KNDC1: variants seen among roughly 807,000 people sequenced by gnomAD.
KNDC1 encodes the protein kinase non-catalytic C-lobe domain-containing protein 1.
Under a neutral mutation model 172.8 loss-of-function variants are expected in KNDC1, and 106 were observed. That is an observed-to-expected ratio of 0.61 (90% CI 0.52 to 0.72). The LOEUF (loss-of-function observed/expected upper bound fraction) is 0.72, where lower values mean the gene tolerates loss of function less well. Among genes scored for constraint, KNDC1 ranks in the 30% least tolerant of loss-of-function variants. The pLI is 0.00. For synonymous variants in KNDC1, 1,083 were observed against 1,062.2 expected (o/e 1.02, Z -0.38); for missense variants, 2,325 against 2,394.5 (o/e 0.97, Z 0.61).
chr10:133,196,926 G>A (rs1464893481), intron 10 of KNDC1, 132 bp from the exon 11 acceptor site: 2 of 675,922 alleles, frequency 3.0e-6, no homozygotes, highest in East Asian at 2.7e-5. Context: ...GCCTGTAGTT[G>A]GGTGTCGGTG....
chr10:133,199,013 G>A lies in KNDC1; in HGVS notation c.2505G>A (p.Lys835=). Residue 835 remains lysine, a synonymous_variant, in exon 14 of 30, where the codon AAG becomes AAA. Transcript: ENST00000304613. The part of the protein sequence containing the change: ...PRHPPKPPRS[K]ATERPGQEPE... ...ACCCGCCCAAGCCCCCACGAAGCAA[G>A]GCCACCGAGCGCCCGGGCCAGGAGC... 4 of 1,565,456 alleles carry A rather than the reference G, an allele frequency of 2.6e-6. No individual in the cohort carries two copies. Among genetic ancestry groups the A allele is most frequent in the South Asian group, 1.2e-5 (1 of 86,070 alleles).
intron 20 of KNDC1, among the ~76,000 whole-genome samples, chr10:133,208,610 G>A (rs1309954372): frequency 6.6e-6 from 1 of 152,108 alleles, no homozygotes; most frequent in Non-Finnish European, 1.5e-5. Context: ...CTCCCAAGGT[G>A]AGCTGCCCCT....
intron 1 of KNDC1, among the ~76,000 whole-genome samples, chr10:133,164,887 C>A (rs895466497): frequency 2.6e-5 from 4 of 152,308 alleles, no homozygotes; most frequent in Admixed American, 2.6e-4. Flanking sequence ...CCAGTCCTCT[C>A]GTCCTGTCCT....
Position 133,210,871 on chromosome 10 carries a change from C to T in KNDC1, c.3908+147C>T, listed in dbSNP as rs112311961. 717 of 726,548 alleles carry T rather than the reference C, an allele frequency of 9.9e-4. 3 individuals carry two copies. The highest frequency in any genetic ancestry group is 9.5e-3 in the African/African-American group (550 of 57,952). The allele number at this position is 726,548 out of a possible 1,614,324, so 45.0% of individuals were successfully genotyped here. The stretch of plus-strand genomic sequence containing the variant: ...GGCCAGGGAAGCCTGGCTGGAGGTC[C>T]GGCTGGAGGTGGAGGACACACAGGG... On this transcript the variant is annotated intron_variant, in intron 21 of 29. Transcript: ENST00000304613.
chr10:133,176,553 A>G (rs1264954896), intron 3 of KNDC1, among the ~76,000 whole-genome samples: 2 of 152,134 alleles, frequency 1.3e-5, no homozygotes, highest in Admixed American at 1.3e-4. Flanking sequence ...CCGGGTTTTC[A>G]AACCTCTGGT....
intron 26 of KNDC1, among the ~76,000 whole-genome samples, chr10:133,216,976 G>A (rs558119565): frequency 4.6e-5 from 7 of 152,382 alleles, no homozygotes; most frequent in South Asian, 2.1e-4. Context: ...GCCTGGAGGC[G>A]CAAGATTCAC....
rs1288388637 is a variant in KNDC1, at chr10:133,200,381, CGAG to C, written c.2915_2917del (p.Glu972del). The C allele has an allele frequency of 6.3e-7, 1 of 1,591,102 alleles. No individual in the cohort carries two copies. ...CCTGCATTCTCGTCGTCAGCACGGC[CGAG>C]GAGGCTGGGTCACAGCTCGAGGGCA... On this transcript the variant is annotated inframe_deletion, in exon 16 of 30. Coordinates refer to ENST00000304613, the MANE Select transcript of KNDC1 (RefSeq NM_152643.8).
chr10:133,165,835 A>G (rs1157069603), intron 1 of KNDC1, among the ~76,000 whole-genome samples: 3 of 152,162 alleles, frequency 2.0e-5, no homozygotes, highest in African/African-American at 7.2e-5. Flanking sequence ...GCCCAAATCA[A>G]ACACCTTTGA....
intron 17 of KNDC1, among the ~76,000 whole-genome samples, chr10:133,204,261 A>G (rs1393623870): frequency 6.6e-6 from 1 of 152,140 alleles, no homozygotes; most frequent in Non-Finnish European, 1.5e-5. Flanking sequence ...TGATGATGGA[A>G]TGTTCTAGAC....
At chr10:133,180,886 G>A (rs1399733663) in intron 3 of KNDC1, among the ~76,000 whole-genome samples, 2 of 152,230 alleles carry the variant, frequency 1.3e-5, no homozygotes, top group African/African-American at 2.4e-5. Context: ...AAATTAACTC[G>A]ACGAGTGAGT....
At position 133,200,476 on chromosome 10, in the gene KNDC1, GC is replaced by G. The variant is rs1854331650; in HGVS notation, c.2989+20del. The G allele has an allele frequency of 2.6e-6, 4 of 1,514,582 alleles. No individual in the cohort carries two copies. The highest frequency in any genetic ancestry group is 3.5e-6 in the Non-Finnish European group (4 of 1,132,670). 93.8% of individuals were successfully genotyped at this position (1,514,582 alleles called of 1,614,324 possible). A position where few individuals can be genotyped will look rare whatever the true frequency, so the allele number is the denominator to read the frequency against. ...CACCGCCTGGGTAAGTGCTGGGCGGGCCCCGCGGCAGGAGCTCTGCTGGGCG... is the reference window on the plus strand; with the variant it reads ...CACCGCCTGGGTAAGTGCTGGGCGGGCCCGCGGCAGGAGCTCTGCTGGGCG... On this transcript the variant is annotated intron_variant, in intron 16 of 29. Coordinates refer to ENST00000304613, the MANE Select transcript of KNDC1 (RefSeq NM_152643.8).
At chr10:133,206,267 C>T (rs371578812) in intron 17 of KNDC1, among the ~76,000 whole-genome samples, 195 of 152,350 alleles carry the variant, frequency 1.3e-3, no homozygotes, top group Non-Finnish European at 2.3e-3. Context: ...ACGGGATGCA[C>T]GTTGGGGAGG....
chr10:133,200,053 C>T (rs1422991239), intron 15 of KNDC1, among the ~76,000 whole-genome samples: 3 of 152,068 alleles, frequency 2.0e-5, no homozygotes, highest in Non-Finnish European at 4.4e-5. Flanking sequence ...CACAGCTCCA[C>T]GCGGTGCCAG....
rs769494600 is a variant in KNDC1, at chr10:133,200,498, G to A, written c.2989+38G>A. ...CGGGCCCCGCGGCAGGAGCTCTGCTGGGCGGCTCCTCTGTGCTCTCTGCAA... is the reference window on the plus strand; with the variant it reads ...CGGGCCCCGCGGCAGGAGCTCTGCTAGGCGGCTCCTCTGTGCTCTCTGCAA... On this transcript the variant is annotated intron_variant, in intron 16 of 29. Transcript: ENST00000304613. 9 of 1,444,302 alleles carry A rather than the reference G, an allele frequency of 6.2e-6. No individual in the cohort carries two copies. The African/African-American group carries it at 1.3e-4, about 21-fold the overall frequency. 89.5% of individuals were successfully genotyped at this position (1,444,302 alleles called of 1,614,324 possible).
At chr10:133,221,408 C>T (rs1366653795) in intron 29 of KNDC1, among the ~76,000 whole-genome samples, 1 of 131,668 alleles carries the variant, frequency 7.6e-6, no homozygotes, top group Non-Finnish European at 1.7e-5. Flanking sequence ...CCTGGTAAGG[C>T]ACAGGGGCCA....
At chr10:133,221,872 TGGGCA>T (rs1377462958) in intron 29 of KNDC1, among the ~76,000 whole-genome samples, 1 of 87,532 alleles carries the variant, frequency 1.1e-5, no homozygotes, top group Non-Finnish European at 2.4e-5. Flanking sequence ...TAACCCTAGG[TGGGCA>T]GGGCTGGGTG....
At chr10:133,181,167 CGGGGCACCCACAGATGCCACAT>C (rs1313891174) in intron 3 of KNDC1, among the ~76,000 whole-genome samples, 3 of 151,724 alleles carry the variant, frequency 2.0e-5, no homozygotes, top group Non-Finnish European at 4.4e-5. Flanking sequence ...TGACGCCACA[CGGGGCACCCACAGATGCCACAT>C]GGGGCACCCA....
chr10:133,223,331 G>A (rs1845648685), intron 29 of KNDC1, among the ~76,000 whole-genome samples: 1 of 62,826 alleles, frequency 1.6e-5, no homozygotes, highest in African/African-American at 5.3e-5. Context: ...GTGTGTGTGT[G>A]TGTGTGAGAG....
rs757829493 is a variant in KNDC1, at chr10:133,206,789, T to C, written c.3481+11T>C. 1 of 1,613,878 alleles carries C rather than the reference T, an allele frequency of 6.2e-7. No homozygotes were observed. The highest frequency in any genetic ancestry group is 8.5e-7 in the Non-Finnish European group (1 of 1,179,818). Reference sequence around the variant, plus strand: ...AAAAGAGGAACAAAGGTAAGGCCCCTGTGGGCACAGGTCCGAGACCCTGGC... The same window carrying C: ...AAAAGAGGAACAAAGGTAAGGCCCCCGTGGGCACAGGTCCGAGACCCTGGC... On this transcript the variant is annotated intron_variant, in intron 18 of 29. Transcript: ENST00000304613.
Sources: gnomAD v4.1 joint callset for allele counts (sites outside exome capture counted in the v4.1 genomes callset) on GRCh38, gnomAD v4.1.1 for gene constraint, MANE v1.5 for transcripts, NCBI Gene and HGNC (gene_info 2026-07-23, HGNC 2026-07-21) for gene names.